PAK1: variants seen among roughly 807,000 people sequenced by gnomAD.
The protein encoded by PAK1 is p21 (RAC1) activated kinase 1.
PAK1 carries 29 observed loss-of-function variants against 67.4 expected under a neutral mutation model. That is an observed-to-expected ratio of 0.43 (90% confidence interval 0.32 to 0.59). The LOEUF (loss-of-function observed/expected upper bound fraction) is 0.59. Among genes scored for constraint, PAK1 ranks in the 20% least tolerant of loss-of-function variants. PAK1 has a pLI of 0.07. For missense variants in PAK1, 337 were observed against 670.7 expected, an observed-to-expected ratio of 0.50 and a Z score of 5.50; for synonymous variants, 223 against 237.4, an observed-to-expected ratio of 0.94 and a Z score of 0.56.
intron 1 of PAK1, among the ~76,000 whole-genome samples, chr11:77,401,688 A>G (rs1278203954): frequency 1.3e-5 from 2 of 152,128 alleles, no homozygotes; most frequent in Non-Finnish European, 2.9e-5. Context: ...TCTGCCAAGC[A>G]AACTCCTACT....
intron 1 of PAK1, among the ~76,000 whole-genome samples, chr11:77,453,897 T>TA (rs1956968115): frequency 6.6e-6 from 1 of 152,014 alleles, no homozygotes; most frequent in Admixed American, 6.6e-5. Context: ...TCTGGCAATA[T>TA]GGCGAAACCC....
At chr11:77,437,190 T>TA (rs2138395170) in intron 1 of PAK1, among the ~76,000 whole-genome samples, 1 of 152,316 alleles carries the variant, frequency 6.6e-6, no homozygotes, top group African/African-American at 2.4e-5. Context: ...TTCCCATCTG[T>TA]AAAACAATGA....
intron 1 of PAK1, among the ~76,000 whole-genome samples, chr11:77,432,250 AC>A (rs1300676520): frequency 6.6e-6 from 1 of 152,124 alleles, no homozygotes; most frequent in African/African-American, 2.4e-5. Flanking sequence ...ATACCCTCTT[AC>A]AAAAAAAATA....
intron 9 of PAK1, among the ~76,000 whole-genome samples, chr11:77,347,846 TCAACAC>T (rs1944664357): frequency 6.6e-6 from 1 of 152,248 alleles, no homozygotes; most frequent in East Asian, 1.9e-4. Context: ...CTGAATTCTT[TCAACAC>T]TTTCGTGGAC....
rs186992140 is a variant in PAK1, at chr11:77,372,691, C to T, written c.477+1637G>A. Among the ~76,000 whole-genome samples, 66 of 152,314 alleles carry T rather than the reference C, an allele frequency of 4.3e-4. No homozygotes were observed. The East Asian group carries it at 8.5e-3, about 20-fold the overall frequency. ...TCCTGCTTACCAATCCTCCTCATCA[C>T]CCACCTCTACTTCCTTCACTATTCA... On this transcript the variant is annotated intron_variant, in intron 5 of 14. Coordinates refer to ENST00000356341, the MANE Select transcript of PAK1 (RefSeq NM_002576.5).
chr11:77,525,660 G>C, the PAK1 span, among the ~76,000 whole-genome samples: 4 of 152,202 alleles, frequency 2.6e-5, no homozygotes, highest in Admixed American at 2.0e-4. Flanking sequence ...TGATGGGAGG[G>C]CTCCATAGAC....
chr11:77,336,334 T>C, intron 12 of PAK1, 52 bp from the exon 13 acceptor site: 1 of 1,347,738 alleles, frequency 7.4e-7, no homozygotes, highest in Non-Finnish European at 1.0e-6. Flanking sequence ...TACACTCACT[T>C]CAGTAAGTGT....
chr11:77,434,684 T>C (rs1434069677), intron 1 of PAK1, among the ~76,000 whole-genome samples: 1 of 152,120 alleles, frequency 6.6e-6, no homozygotes, highest in African/African-American at 2.4e-5. Context: ...AGTAGCATGA[T>C]GTCTGCTCAC....
chr11:77,418,609 G>T (rs567253938), intron 1 of PAK1, among the ~76,000 whole-genome samples: 1 of 152,178 alleles, frequency 6.6e-6, no homozygotes. Flanking sequence ...TTAAAATGCA[G>T]AACTTCATTG....
the PAK1 span, among the ~76,000 whole-genome samples, chr11:77,500,662 A>G: frequency 1.3e-5 from 2 of 151,706 alleles, no homozygotes; most frequent in Non-Finnish European, 2.9e-5. Context: ...CCTGGGCAAC[A>G]CACTGAGACT....
chr11:77,520,839 G>A, the PAK1 span, among the ~76,000 whole-genome samples: 1 of 152,206 alleles, frequency 6.6e-6, no homozygotes, highest in South Asian at 2.1e-4. Flanking sequence ...AAATACGCGG[G>A]GTATGTAAGG....
At chr11:77,373,909 A>C (rs1006046218) in intron 5 of PAK1, among the ~76,000 whole-genome samples, 3 of 152,154 alleles carry the variant, frequency 2.0e-5, no homozygotes, top group Non-Finnish European at 2.9e-5. Flanking sequence ...AGGTATCTGA[A>C]GACATGTCCA....
At chr11:77,415,782 C>G (rs921453761) in intron 1 of PAK1, among the ~76,000 whole-genome samples, 1 of 152,008 alleles carries the variant, frequency 6.6e-6, no homozygotes, top group Non-Finnish European at 1.5e-5. Flanking sequence ...TTACGCTGCA[C>G]TAAACTTAAA....
intron 1 of PAK1, among the ~76,000 whole-genome samples, chr11:77,395,973 T>C (rs868336308): frequency 1.3e-5 from 2 of 152,296 alleles, no homozygotes; most frequent in Non-Finnish European, 2.9e-5. Context: ...AGTTCCAAAA[T>C]TACACTCCCT....
chr11:77,345,893 A>G (rs1944341509), intron 9 of PAK1, among the ~76,000 whole-genome samples: 1 of 152,210 alleles, frequency 6.6e-6, no homozygotes, highest in Admixed American at 6.5e-5. Context: ...CGAACCACAC[A>G]GTGGTCACTG....
chr11:77,351,774 C>G (rs1945281145), intron 8 of PAK1, among the ~76,000 whole-genome samples: 1 of 151,858 alleles, frequency 6.6e-6, no homozygotes, highest in South Asian at 2.1e-4. Context: ...ATTTCAATGA[C>G]ATCATTAGCA....
chr11:77,518,050 A>C, the PAK1 span, among the ~76,000 whole-genome samples: 7 of 152,216 alleles, frequency 4.6e-5, no homozygotes, highest in Non-Finnish European at 8.8e-5. Context: ...AACTCTGCCC[A>C]CTTTTAACAG....
chr11:77,395,505 G>C (rs1455711726), intron 1 of PAK1, among the ~76,000 whole-genome samples: 1 of 152,022 alleles, frequency 6.6e-6, no homozygotes, highest in Non-Finnish European at 1.5e-5. Context: ...TATCAACTAA[G>C]CCACTACACC....
intron 9 of PAK1, among the ~76,000 whole-genome samples, chr11:77,344,884 T>G (rs1398695884): frequency 6.6e-6 from 1 of 152,178 alleles, no homozygotes; most frequent in Non-Finnish European, 1.5e-5. Context: ...TGGCCCCTAC[T>G]TTACTTCCAA....
Sources: gnomAD v4.1 joint callset for allele counts (sites outside exome capture counted in the v4.1 genomes callset) on GRCh38, gnomAD v4.1.1 for gene constraint, MANE v1.5 for transcripts, NCBI Gene and HGNC (gene_info 2026-07-23, HGNC 2026-07-21) for gene names.